The following ANGPTL1 variants were observed in gnomAD, a reference collection of about 807,000 sequenced individuals.
ANGPTL1 encodes the protein angiopoietin like 1, also known as angiopoietin-related protein 1.
A neutral mutation model predicts 46.7 loss-of-function variants in ANGPTL1; 36 were observed. The ratio of observed to expected loss-of-function variants is 0.77; its 90% CI spans 0.59 to 1.02. The LOEUF (loss-of-function observed/expected upper bound fraction) is 1.02, where lower values mean the gene tolerates loss of function less well. ANGPTL1 is among the 50% of genes least tolerant of loss of function. ANGPTL1 has a pLI of 0.00. For synonymous variants in ANGPTL1, 221 were observed against 204.3 expected, an observed-to-expected ratio of 1.08 and a Z score of -0.69; for missense variants, 571 against 594.7, an observed-to-expected ratio of 0.96 and a Z score of 0.41.
At chr1:178,857,103 C>T (rs1043306625) in intron 3 of ANGPTL1, among the ~76,000 whole-genome samples, 3 of 152,090 alleles carry the variant, frequency 2.0e-5, no homozygotes, top group Non-Finnish European at 4.4e-5. Flanking sequence ...ATGAAATTTA[C>T]AGAATTTTAA....
At position 178,865,340 on chromosome 1, in the gene ANGPTL1, TC is replaced by T. The variant is rs1658327906; in HGVS notation, c.436del (p.Asp146IlefsTer21). The T allele has an allele frequency of 6.2e-7, 1 of 1,613,982 alleles. No homozygotes were observed. Among genetic ancestry groups the T allele is most frequent in the Non-Finnish European group, 8.5e-7 (1 of 1,179,998 alleles). On this transcript the variant is annotated frameshift_variant, in exon 3 of 6. Transcript: ENST00000234816. LOFTEE classifies it high-confidence loss of function. The stretch of plus-strand genomic sequence containing the variant: ...CAGTTGGGAAAGTTCAAGTGAATTA[TC>T]CCTCTTACGGATAATCTCATGTAAT... Reference protein sequence around the residue: ...QLLHEIIRKRDNSLELSQLEN... With the variant: ...QLLHEIIRKRXNSLELSQLEN...
chr1:178,854,935 C>T (rs1572406109), intron 3 of ANGPTL1, among the ~76,000 whole-genome samples: 2 of 152,100 alleles, frequency 1.3e-5, no homozygotes, highest in African/African-American at 4.8e-5. Flanking sequence ...TCCAGTGTTT[C>T]GAGCCTTTTT....
chr1:178,865,560 C>G lies in ANGPTL1; in HGVS notation c.217G>C (p.Ala73Pro), dbSNP rs745359568. 16 of 1,614,124 alleles carry G rather than the reference C, an allele frequency of 9.9e-6. No homozygotes were observed. The East Asian group carries it at 3.1e-4, about 31-fold the overall frequency. Residue 73 changes from alanine to proline, a missense_variant, in exon 3 of 6, where the codon GCA (alanine) becomes CCA (proline). Ala to Pro is a conservative substitution (Grantham distance 27). Coordinates refer to ENST00000234816, the MANE Select transcript of ANGPTL1 (RefSeq NM_004673.4). The part of the protein sequence containing the change: ...PICVNTKGQD[A>P]STIKDMITRM... ...GTGATCATGTCTTTAATGGTACTTG[C>G]ATCTTGCCCCTTGGTGTTGACACAG...
At chr1:178,864,749 T>C (rs1197359644) in intron 3 of ANGPTL1, among the ~76,000 whole-genome samples, 1 of 152,104 alleles carries the variant, frequency 6.6e-6, no homozygotes, top group Non-Finnish European at 1.5e-5. Context: ...CAGAATACAT[T>C]AAGTTTTTAT....
intron 3 of ANGPTL1, among the ~76,000 whole-genome samples, chr1:178,860,634 A>G (rs1294060198): frequency 2.6e-5 from 4 of 152,168 alleles, no homozygotes; most frequent in African/African-American, 9.7e-5. Context: ...CCACAATTCT[A>G]CTTTCTGTCT....
Position 178,857,124 on chromosome 1 carries a change from G to A in ANGPTL1, c.824-3337C>T, listed in dbSNP as rs144755696. Among the ~76,000 whole-genome samples the A allele has an allele frequency of 7.9e-5, 12 of 152,238 alleles. No homozygotes were observed. The East Asian group carries it at 2.3e-3, about 29-fold the overall frequency. On this transcript the variant is annotated intron_variant, in intron 3 of 5. Transcript: ENST00000234816. ...TTTACAGAATTTTAATTTCTTATGT[G>A]GGAGTGAGATGGAAGGAAAAGTAAA...
chr1:178,864,532 T>G (rs917378952), intron 3 of ANGPTL1, among the ~76,000 whole-genome samples: 2 of 152,030 alleles, frequency 1.3e-5, no homozygotes. Context: ...GAAAGCAAAA[T>G]TTTACATGTT....
chr1:178,861,960 C>T (rs1012632901), intron 3 of ANGPTL1, among the ~76,000 whole-genome samples: 4 of 149,266 alleles, frequency 2.7e-5, no homozygotes, highest in African/African-American at 7.7e-5. Flanking sequence ...GCAACCTCCG[C>T]CCCCCAGGTT....
At chr1:178,870,501 A>T (rs1658688366) in intron 1 of ANGPTL1, among the ~76,000 whole-genome samples, 1 of 152,202 alleles carries the variant, frequency 6.6e-6, no homozygotes, top group Non-Finnish European at 1.5e-5. Flanking sequence ...TGCATGTATC[A>T]GTCTGTAATC....
intron 3 of ANGPTL1, among the ~76,000 whole-genome samples, chr1:178,859,315 G>GA (rs1664325509): frequency 6.7e-6 from 1 of 150,270 alleles, no homozygotes; most frequent in Admixed American, 6.6e-5. Flanking sequence ...TAAATAATTT[G>GA]AAAAATGTAA....
chr1:178,861,823 A>G (rs1212077513), intron 3 of ANGPTL1, among the ~76,000 whole-genome samples: 1 of 152,094 alleles, frequency 6.6e-6, no homozygotes, highest in African/African-American at 2.4e-5. Flanking sequence ...GGGTCACTTT[A>G]TACACTGCAT....
intron 3 of ANGPTL1, among the ~76,000 whole-genome samples, chr1:178,863,863 T>G (rs1658205082): frequency 6.6e-6 from 1 of 152,224 alleles, no homozygotes; most frequent in African/African-American, 2.4e-5. Context: ...GACAGAGAGA[T>G]GAAACCACTT....
At chr1:178,854,868 GT>G (rs1657424248) in intron 3 of ANGPTL1, among the ~76,000 whole-genome samples, 1 of 152,138 alleles carries the variant, frequency 6.6e-6, no homozygotes, top group African/African-American at 2.4e-5. Context: ...CTTTTAGGGT[GT>G]CTGACTCTTG....
chr1:178,853,657 C>A lies in ANGPTL1; in HGVS notation c.954G>T (p.Trp318Cys). 1.2e-6 allele frequency: 2 copies of A among 1,612,370 alleles called. No homozygotes were observed. The highest frequency in any genetic ancestry group is 1.7e-6 in the Non-Finnish European group (2 of 1,179,234). Reference protein sequence around the residue: ...WCENSLDPGGWTVIQKRTDGS... With the variant: ...WCENSLDPGGCTVIQKRTDGS... ...CGTCTGTTCTTTTCTGAATAACAGT[C>A]CAACCCCCAGGGTCCAAACTGTTTT... The change falls in exon 4 of 6, where the codon TGG (tryptophan) becomes TGT (cysteine). Residue 318 changes from tryptophan (W) to cysteine (C), a missense_variant. Transcript: ENST00000234816.
chr1:178,857,696 TATC>T (rs1199175457), intron 3 of ANGPTL1, among the ~76,000 whole-genome samples: 6 of 152,212 alleles, frequency 3.9e-5, no homozygotes, highest in African/African-American at 1.4e-4. Context: ...ATTCTATGAA[TATC>T]ATTTTCGTAA....
intron 3 of ANGPTL1, among the ~76,000 whole-genome samples, chr1:178,855,296 CTT>C (rs71677302): frequency 0.061 from 8,234 of 135,824 alleles, 767 homozygotes; most frequent in African/African-American, 0.2. Context: ...AGGACAGAGA[CTT>C]TTTTTTTTTT....
chr1:178,851,342 A>T (rs1417077770), intron 5 of ANGPTL1, 26 bp from the exon 6 acceptor site: 1 of 1,585,164 alleles, frequency 6.3e-7, no homozygotes, highest in Admixed American at 1.8e-5. Context: ...ACAGATATAA[A>T]TGTAAAAGTT....
At position 178,852,884 on chromosome 1, in the gene ANGPTL1, C is replaced by T. The variant is rs1172300997; in HGVS notation, c.1087G>A (p.Asp363Asn). 11 of 1,613,764 alleles carry T rather than the reference C, an allele frequency of 6.8e-6. No individual in the cohort carries two copies. ...LENIYMLSNQ[D>N]NYKLLIELED... ...AATTCAATCAATAACTTGTAATTATCTTGATTGCTAAGCATATAGATATTT... is the reference window on the plus strand; with the variant it reads ...AATTCAATCAATAACTTGTAATTATTTTGATTGCTAAGCATATAGATATTT... Residue 363 changes from aspartate to asparagine, a missense_variant, in exon 5 of 6, where the codon GAT becomes AAT. Asp to Asn is a conservative substitution (Grantham distance 23). Transcript: ENST00000234816.
At chr1:178,856,957 G>A (rs1657627518) in intron 3 of ANGPTL1, among the ~76,000 whole-genome samples, 1 of 152,128 alleles carries the variant, frequency 6.6e-6, no homozygotes, top group Non-Finnish European at 1.5e-5. Flanking sequence ...AAAATCCCAT[G>A]TAAACCAGTA....
Sources: allele counts gnomAD v4.1 joint callset (sites outside exome capture counted in the v4.1 genomes callset), GRCh38; gene constraint gnomAD v4.1.1; transcripts MANE v1.5; gene names NCBI Gene and HGNC (gene_info 2026-07-23, HGNC 2026-07-21).